NEGR1: variants seen among roughly 807,000 people sequenced by gnomAD.
NEGR1 encodes the protein neuronal growth regulator 1.
Under a neutral mutation model 40.9 loss-of-function variants are expected in NEGR1, and 10 were observed. The observed-to-expected ratio is 0.24, with a 90% CI of 0.15 to 0.42. The LOEUF is 0.42. NEGR1 is among the 10% of genes least tolerant of loss of function. The pLI is 1.00. For missense variants in NEGR1, 352 were observed against 438.9 expected, an observed-to-expected ratio of 0.80 and a Z score of 1.77; for synonymous variants, 185 against 166.8, an observed-to-expected ratio of 1.11 and a Z score of -0.84.
intron 1 of NEGR1, among the ~76,000 whole-genome samples, chr1:71,988,980 GAT>G (rs1211996670): frequency 1.4e-5 from 2 of 141,288 alleles, no homozygotes; most frequent in African/African-American, 2.7e-5. Flanking sequence ...GACTTAGGGA[GAT>G]ACACAAAACT....
Position 71,719,633 on chromosome 1 carries a change from T to A in NEGR1, c.536-21494A>T, listed in dbSNP as rs78254023. Among the ~76,000 whole-genome samples, 37 of 151,548 alleles carry A rather than the reference T, an allele frequency of 2.4e-4. 1 individual carries two copies. Among genetic ancestry groups the A allele is most frequent in the Admixed American group, 5.3e-4 (8 of 15,236 alleles). On this transcript the variant is annotated intron_variant, in intron 3 of 6. Transcript: ENST00000357731. ...AGACAGGAGCCAGTGTTTTTTTTTT[T>A]ATTATTATTATACTTTAAGTTTTGG...
At chr1:71,523,320 C>A (rs1647175162) in intron 6 of NEGR1, among the ~76,000 whole-genome samples, 1 of 151,988 alleles carries the variant, frequency 6.6e-6, no homozygotes, top group East Asian at 1.9e-4. Flanking sequence ...AGATCCTTAA[C>A]ACATGAAATA....
At chr1:71,773,931 A>G (rs1656415218) in intron 3 of NEGR1, among the ~76,000 whole-genome samples, 2 of 152,188 alleles carry the variant, frequency 1.3e-5, no homozygotes, top group South Asian at 4.1e-4. Flanking sequence ...AATAACAAGC[A>G]CTGCAAAGCA....
intron 1 of NEGR1, among the ~76,000 whole-genome samples, chr1:72,263,608 T>G (rs1344965968): frequency 6.6e-6 from 1 of 151,646 alleles, no homozygotes; most frequent in African/African-American, 2.4e-5. Flanking sequence ...AAATTGCTTC[T>G]TAAAAGTTGT....
intron 1 of NEGR1, among the ~76,000 whole-genome samples, chr1:72,182,778 GTA>G (rs10546486): frequency 0.65 from 95,700 of 146,702 alleles, 31,246 homozygotes; most frequent in Middle Eastern, 0.79. Flanking sequence ...GTGTGCGTGT[GTA>G]TATATATATA....
In NEGR1 at chr1:71,592,850, G is replaced by A; in HGVS notation, c.907C>T (p.Leu303=). The part of the protein sequence containing the change: ...GNYTCVAANK[L]GTTNASLPLN... ...GGCAGGCTCGCATTGGTTGTGCCTA[G>A]CTTGTTGGCAGCCACACAGGTATAA... Residue 303 remains leucine, a synonymous_variant, in exon 6 of 7, where the codon CTA becomes TTA. Transcript: ENST00000357731. The A allele has an allele frequency of 6.2e-7, 1 of 1,613,294 alleles. No individual in the cohort carries two copies. Among genetic ancestry groups the A allele is most frequent in the Non-Finnish European group, 8.5e-7 (1 of 1,179,348 alleles).
intron 2 of NEGR1, among the ~76,000 whole-genome samples, chr1:71,827,158 A>T (rs1423685214): frequency 3.3e-5 from 5 of 151,838 alleles, no homozygotes; most frequent in African/African-American, 1.2e-4. Context: ...CTTTGCAGAA[A>T]AAAAAGGAGC....
intron 1 of NEGR1, among the ~76,000 whole-genome samples, chr1:72,088,264 G>A (rs1298596264): frequency 2.0e-5 from 3 of 151,970 alleles, no homozygotes; most frequent in Admixed American, 2.0e-4. Context: ...AAGGCAAAGT[G>A]TCAGCTCTTA....
intron 3 of NEGR1, among the ~76,000 whole-genome samples, chr1:71,708,788 C>T (rs898905266): frequency 6.6e-6 from 1 of 152,114 alleles, no homozygotes; most frequent in Non-Finnish European, 1.5e-5. Context: ...CCCCACTATG[C>T]ATCCATGTGT....
intron 2 of NEGR1, among the ~76,000 whole-genome samples, chr1:71,885,005 A>G (rs1660687020): frequency 6.6e-6 from 1 of 152,218 alleles, no homozygotes; most frequent in South Asian, 2.1e-4. Flanking sequence ...ATGGCTTTGA[A>G]TCCTTCTGCT....
rs1655741713 is a variant in NEGR1 at position 72,268,806 on chromosome 1, AAC to A, written c.176+13511_176+13512del. Among the ~76,000 whole-genome samples, 8 of 151,742 alleles carry A rather than the reference AAC, an allele frequency of 5.3e-5. No individual in the cohort carries two copies. The South Asian group carries it at 1.7e-3, about 31-fold the overall frequency. On this transcript the variant is annotated intron_variant, in intron 1 of 6. Transcript: ENST00000357731. ...ATTCTTATGTATAGCCAAATGAGAT[AAC>A]AGACTAATATAAAATTGATAGAACA... is the stretch of plus-strand genomic sequence containing the variant.
At chr1:72,180,592 A>T (rs1570089661) in intron 1 of NEGR1, among the ~76,000 whole-genome samples, 2 of 152,140 alleles carry the variant, frequency 1.3e-5, no homozygotes, top group South Asian at 2.1e-4. Flanking sequence ...TTCAAAATTT[A>T]TGAAGAACTC....
intron 2 of NEGR1, among the ~76,000 whole-genome samples, chr1:71,791,861 T>C (rs1457418120): frequency 1.3e-5 from 2 of 152,020 alleles, no homozygotes; most frequent in Non-Finnish European, 2.9e-5. Flanking sequence ...GAGAAGAAAT[T>C]TGAGCTTGGC....
At chr1:71,512,995 A>G (rs920862698) in intron 6 of NEGR1, among the ~76,000 whole-genome samples, 1 of 152,218 alleles carries the variant, frequency 6.6e-6, no homozygotes. Context: ...TATACATATA[A>G]CATCGACAAA....
chr1:72,110,227 A>AAAT (rs1355211395), intron 1 of NEGR1, among the ~76,000 whole-genome samples: 15 of 149,556 alleles, frequency 1.0e-4, no homozygotes, highest in African/African-American at 3.5e-4. Context: ...ATAATAAAAA[A>AAAT]AAAAAAAAAA....
At chr1:71,534,304 C>G (rs1056661264) in intron 6 of NEGR1, among the ~76,000 whole-genome samples, 2 of 151,578 alleles carry the variant, frequency 1.3e-5, no homozygotes, top group African/African-American at 4.8e-5. Context: ...AATAATAAAA[C>G]CCTAGTTTAG....
At chr1:72,172,063 A>G (rs1287358675) in intron 1 of NEGR1, among the ~76,000 whole-genome samples, 1 of 152,176 alleles carries the variant, frequency 6.6e-6, no homozygotes. Flanking sequence ...GTGGCTTGGA[A>G]CTAAACATTT....
At chr1:72,012,746 C>T (rs1055222027) in intron 1 of NEGR1, among the ~76,000 whole-genome samples, 4 of 151,004 alleles carry the variant, frequency 2.6e-5, no homozygotes, top group Non-Finnish European at 5.9e-5. Flanking sequence ...AAATAAAGTT[C>T]TCCTTTTGCC....
intron 3 of NEGR1, among the ~76,000 whole-genome samples, chr1:71,712,597 A>G (rs1317680503): frequency 6.6e-6 from 1 of 152,198 alleles, no homozygotes; most frequent in Non-Finnish European, 1.5e-5. Flanking sequence ...GTTCAAGTAC[A>G]GAGATAATAT....
Sources: allele counts gnomAD v4.1 joint callset (sites outside exome capture counted in the v4.1 genomes callset), GRCh38; gene constraint gnomAD v4.1.1; transcripts MANE v1.5; gene names NCBI Gene and HGNC (gene_info 2026-07-23, HGNC 2026-07-21).